The following GPHN variants were observed in gnomAD, a reference collection of about 807,000 sequenced individuals.
The protein encoded by GPHN is gephyrin.
Under a neutral mutation model 95.5 loss-of-function variants are expected in GPHN, and 17 were observed. That is an observed-to-expected ratio of 0.18 (90% CI 0.12 to 0.27). The LOEUF (loss-of-function observed/expected upper bound fraction) is 0.27. Among genes scored for constraint, GPHN ranks in the 10% least tolerant of loss-of-function variants. The pLI is 1.00. For missense variants in GPHN, 660 were observed against 978.1 expected (o/e 0.67, Z 4.34); for synonymous variants, 320 against 322.5 (o/e 0.99, Z 0.08).
At chr14:67,213,315 TC>T in the GPHN span, among the ~76,000 whole-genome samples, 2 of 69,710 alleles carry the variant, frequency 2.9e-5, no homozygotes, top group African/African-American at 6.3e-5. Context: ...CCCTCCCCCC[TC>T]CCCCCACCCC....
the GPHN span, among the ~76,000 whole-genome samples, chr14:67,444,705 G>T: frequency 6.6e-6 from 1 of 152,214 alleles, no homozygotes; most frequent in Admixed American, 6.5e-5. Context: ...GGAACTTTCA[G>T]TCCTCTGTCC....
the GPHN span, among the ~76,000 whole-genome samples, chr14:67,365,763 C>T: frequency 6.6e-6 from 1 of 152,188 alleles, no homozygotes; most frequent in Non-Finnish European, 1.5e-5. Flanking sequence ...TATCAGTCAC[C>T]TTGATTCAAC....
chr14:67,511,579 C>T, the GPHN span, among the ~76,000 whole-genome samples: 2 of 152,134 alleles, frequency 1.3e-5, no homozygotes, highest in South Asian at 2.1e-4. Flanking sequence ...TGTTCAAAAA[C>T]ATGAATTGTC....
At chr14:67,725,741 T>C in the GPHN span, among the ~76,000 whole-genome samples, 1 of 152,182 alleles carries the variant, frequency 6.6e-6, no homozygotes, top group African/African-American at 2.4e-5. Context: ...GAGTCGGTAG[T>C]TAGTACACAT....
the GPHN span, among the ~76,000 whole-genome samples, chr14:67,317,091 T>C: frequency 8.5e-5 from 13 of 152,342 alleles, no homozygotes; most frequent in Admixed American, 2.6e-4. Context: ...GTCTATACTG[T>C]GTAGTTAATT....
intron 10 of GPHN, among the ~76,000 whole-genome samples, chr14:67,055,640 C>T (rs1268453421): frequency 6.6e-6 from 1 of 152,210 alleles, no homozygotes; most frequent in African/African-American, 2.4e-5. Flanking sequence ...ATAGCAAAGA[C>T]GTGGAATCAA....
chr14:67,064,017 C>T lies in GPHN; in HGVS notation c.1144+5231C>T, dbSNP rs534106153. Reference sequence around the variant, plus strand: ...GACATCCTTGTGTTGTGCTGGTTTTCAAAGGGAATGCTTCCAGTTTTTGCC... The same window carrying T: ...GACATCCTTGTGTTGTGCTGGTTTTTAAAGGGAATGCTTCCAGTTTTTGCC... On this transcript the variant is annotated intron_variant, in intron 11 of 22. Transcript: ENST00000478722. Among the ~76,000 whole-genome samples, 10 of 152,270 alleles carry T rather than the reference C, an allele frequency of 6.6e-5. No homozygotes were observed. The South Asian group carries it at 1.5e-3, about 22-fold the overall frequency.
the GPHN span, among the ~76,000 whole-genome samples, chr14:67,554,819 C>T: frequency 7.9e-5 from 12 of 152,172 alleles, no homozygotes; most frequent in African/African-American, 2.7e-4. Flanking sequence ...AACTTCAGTC[C>T]CTTTGCTTGG....
At chr14:67,264,267 T>C in the GPHN span, among the ~76,000 whole-genome samples, 1 of 152,228 alleles carries the variant, frequency 6.6e-6, no homozygotes. Flanking sequence ...TAGAATTGTT[T>C]AAAGATTAAG....
intron 9 of GPHN, among the ~76,000 whole-genome samples, chr14:66,993,541 C>T (rs1246235113): frequency 4.6e-5 from 7 of 152,144 alleles, no homozygotes; most frequent in Non-Finnish European, 1.0e-4. Flanking sequence ...CCTGTTTGGC[C>T]TCACCTAAAA....
At chr14:66,553,426 G>A (rs1440181047) in intron 1 of GPHN, among the ~76,000 whole-genome samples, 1 of 152,018 alleles carries the variant, frequency 6.6e-6, no homozygotes, top group Non-Finnish European at 1.5e-5. Context: ...ATATGAAATT[G>A]TCCCAATGGC....
chr14:66,808,752 G>A (rs1007924290), intron 3 of GPHN, among the ~76,000 whole-genome samples: 7 of 152,048 alleles, frequency 4.6e-5, no homozygotes, highest in Non-Finnish European at 1.0e-4. Context: ...AGCCAAGATC[G>A]CACCACTGCA....
intron 8 of GPHN, among the ~76,000 whole-genome samples, chr14:66,943,526 G>C (rs2067546892): frequency 6.6e-6 from 1 of 152,166 alleles, no homozygotes; most frequent in South Asian, 2.1e-4. Flanking sequence ...AGCAAACCTA[G>C]CACCTGACCT....
the GPHN span, among the ~76,000 whole-genome samples, chr14:67,363,830 C>A: frequency 6.6e-6 from 1 of 152,162 alleles, no homozygotes; most frequent in Non-Finnish European, 1.5e-5. Context: ...AGTTCTGTTA[C>A]TACCTACGTT....
chr14:67,149,473 C>T (rs556886486), intron 18 of GPHN, among the ~76,000 whole-genome samples: 1 of 152,178 alleles, frequency 6.6e-6, no homozygotes, highest in East Asian at 1.9e-4. Flanking sequence ...ATAGCTATAG[C>T]TCACATAAAC....
At chr14:66,689,974 C>G (rs2067665591) in intron 2 of GPHN, among the ~76,000 whole-genome samples, 1 of 151,506 alleles carries the variant, frequency 6.6e-6, no homozygotes, top group South Asian at 2.1e-4. Context: ...AGTAGTTTGG[C>G]AATTTTATTG....
intron 9 of GPHN, among the ~76,000 whole-genome samples, chr14:66,967,289 G>C (rs987168499): frequency 5.3e-5 from 8 of 151,858 alleles, no homozygotes; most frequent in African/African-American, 1.9e-4. Context: ...TTCCAATTAG[G>C]CATCTGGAAA....
intron 1 of GPHN, among the ~76,000 whole-genome samples, chr14:66,593,879 A>G (rs753023074): frequency 2.6e-5 from 4 of 152,204 alleles, no homozygotes; most frequent in Admixed American, 6.5e-5. Flanking sequence ...AAGAAGTAAA[A>G]TTGTCTTTCC....
Position 67,143,426 on chromosome 14 carries a change from G to T in GPHN, c.1813G>T (p.Gly605Trp). The change falls in exon 18 of 23, where the codon GGG (glycine) becomes TGG (tryptophan). Residue 605 changes from glycine to tryptophan, a missense_variant. This residue lies in a region of GPHN where 257 missense variants were observed against 376.2 expected (regional missense o/e 0.68). Transcript: ENST00000478722. ...TCGTGCTGATGTCATCATCACATCAGGGGGTGTATCCATGGGGGAAAAGGT... is the reference window on the plus strand; with the variant it reads ...TCGTGCTGATGTCATCATCACATCATGGGGTGTATCCATGGGGGAAAAGGT... ...ISRADVIITS[G>W]GVSMGEKDYL... The T allele has an allele frequency of 1.9e-6, 3 of 1,603,460 alleles. No homozygotes were observed. Among genetic ancestry groups the T allele is most frequent in the Non-Finnish European group, 2.6e-6 (3 of 1,170,332 alleles).
Sources: gnomAD v4.1 joint callset for allele counts (sites outside exome capture counted in the v4.1 genomes callset) on GRCh38, gnomAD v4.1.1 for gene constraint, gnomAD v4.1.1 regional missense constraint, MANE v1.5 for transcripts, NCBI Gene and HGNC (gene_info 2026-07-23, HGNC 2026-07-21) for gene names.